Variants in FRYL observed in about 807,000 individuals in gnomAD.
The protein encoded by FRYL is protein furry homolog-like.
FRYL carries 150 observed loss-of-function variants against 351.2 expected under a neutral mutation model. The ratio of observed to expected loss-of-function variants is 0.43; its 90% CI spans 0.37 to 0.49. The LOEUF (loss-of-function observed/expected upper bound fraction) is 0.49. FRYL is among the 20% of genes least tolerant of loss of function. The pLI is 0.00. For synonymous variants in FRYL, 1,153 were observed against 1,257.1 expected, an observed-to-expected ratio of 0.92 and a Z score of 1.75; for missense variants, 3,036 against 3,619.3, an observed-to-expected ratio of 0.84 and a Z score of 4.13.
chr4:48,584,180 G>T (rs1741580871), intron 19 of FRYL, among the ~76,000 whole-genome samples: 1 of 152,180 alleles, frequency 6.6e-6, no homozygotes, highest in Admixed American at 6.5e-5. Context: ...GGTCTGAAGA[G>T]AATTATGCTA....
chr4:48,775,473 G>A (rs1277151541), intron 1 of FRYL, among the ~76,000 whole-genome samples: 3 of 152,126 alleles, frequency 2.0e-5, no homozygotes, highest in African/African-American at 7.2e-5. Flanking sequence ...GCTTACAGCT[G>A]GGTTTTCTAT....
chr4:48,645,152 A>ATCTATCTATC (rs1316672025), intron 3 of FRYL, among the ~76,000 whole-genome samples: 2 of 114,796 alleles, frequency 1.7e-5, no homozygotes, highest in South Asian at 5.6e-4. Context: ...ATATATATAT[A>ATCTATCTATC]TATCAGACTG....
At chr4:48,757,203 T>C (rs1773883981) in intron 1 of FRYL, among the ~76,000 whole-genome samples, 1 of 152,166 alleles carries the variant, frequency 6.6e-6, no homozygotes, top group Non-Finnish European at 1.5e-5. Flanking sequence ...AAGGATGCCC[T>C]CTCTCACCAC....
At chr4:48,576,304 CTTT>C (rs780306789) in intron 23 of FRYL, 82 bp from the exon 24 acceptor site, 2,535 of 762,508 alleles carry the variant, frequency 3.3e-3, no homozygotes, top group Middle Eastern at 5.6e-3. Context: ...TGCTAAATTT[CTTT>C]TTTTTTTTTT....
At chr4:48,725,363 G>A (rs1769965343) in intron 1 of FRYL, among the ~76,000 whole-genome samples, 7 of 152,194 alleles carry the variant, frequency 4.6e-5, no homozygotes, top group Admixed American at 4.6e-4. Flanking sequence ...CTGAGAGAAA[G>A]AGAGAATACA....
At chr4:48,545,606 A>C (rs1255964548) in intron 42 of FRYL, among the ~76,000 whole-genome samples, 1 of 151,608 alleles carries the variant, frequency 6.6e-6, no homozygotes, top group Non-Finnish European at 1.5e-5. Context: ...GTCTAGAACA[A>C]CTCTCTTTTC....
At chr4:48,603,959 G>A (rs1432487209) in intron 11 of FRYL, among the ~76,000 whole-genome samples, 6 of 152,090 alleles carry the variant, frequency 3.9e-5, no homozygotes, top group African/African-American at 7.2e-5. Flanking sequence ...CAACTCTTTC[G>A]ATGTGGTGGT....
chr4:48,710,824 T>C (rs1287369129), intron 1 of FRYL, 126 bp from the exon 2 acceptor site: 7 of 376,138 alleles, frequency 1.9e-5, no homozygotes, highest in Non-Finnish European at 2.8e-5. Context: ...TGAAACATCA[T>C]CCAGTAATTC....
At chr4:48,558,297 A>C (rs1183821984) in intron 33 of FRYL, among the ~76,000 whole-genome samples, 4 of 152,254 alleles carry the variant, frequency 2.6e-5, no homozygotes, top group Non-Finnish European at 5.9e-5. Context: ...GCTTGATGAC[A>C]TTATGTTACC....
chr4:48,668,707 T>C (rs1762169933), intron 3 of FRYL, among the ~76,000 whole-genome samples: 1 of 152,228 alleles, frequency 6.6e-6, no homozygotes, highest in African/African-American at 2.4e-5. Flanking sequence ...TCATGTTAAA[T>C]AGAATAATAA....
At chr4:48,529,218 C>T (rs1726975534) in intron 50 of FRYL, among the ~76,000 whole-genome samples, 1 of 152,198 alleles carries the variant, frequency 6.6e-6, no homozygotes, top group Non-Finnish European at 1.5e-5. Context: ...TGTTCTACCA[C>T]CACCACCTCT....
In FRYL at chr4:48,601,565, C is replaced by A. The variant is rs1338878445; in HGVS notation, c.1035+455G>T. On this transcript the variant is annotated intron_variant, in intron 13 of 63. Coordinates refer to ENST00000358350, the MANE Select transcript of FRYL (RefSeq NM_015030.2). ...CAGGAGCTTTTACATCTGTGCAGAT[C>A]CAGTACCAACTTTTAGATATGGCCG... is the stretch of plus-strand genomic sequence containing the variant. Among the ~76,000 whole-genome samples the A allele has an allele frequency of 2.6e-5, 4 of 152,092 alleles. No homozygotes were observed. The East Asian group carries it at 7.7e-4, about 29-fold the overall frequency.
At chr4:48,769,686 G>A (rs1775315931) in intron 1 of FRYL, among the ~76,000 whole-genome samples, 1 of 152,174 alleles carries the variant, frequency 6.6e-6, no homozygotes, top group Non-Finnish European at 1.5e-5. Flanking sequence ...ATGTTCTTCA[G>A]CAGGTGAAGA....
At chr4:48,603,801 C>T (rs543969813) in intron 11 of FRYL, among the ~76,000 whole-genome samples, 1 of 152,326 alleles carries the variant, frequency 6.6e-6, no homozygotes, top group East Asian at 1.9e-4. Flanking sequence ...GGGGACCCAG[C>T]CTTTGGAGCT....
At position 48,497,670 on chromosome 4, in the gene FRYL, C is replaced by T. The variant is rs1718723482; in HGVS notation, c.*1752G>A. ...TAAAGTGTGATGTATCTCTGGACAC[C>T]ATCCCTCTCTGCCTGCCCCACACCC... is the stretch of plus-strand genomic sequence containing the variant. On this transcript the variant is annotated 3_prime_UTR_variant, in exon 64 of 64. Coordinates refer to ENST00000358350, the MANE Select transcript of FRYL (RefSeq NM_015030.2). 2 of 152,650 alleles carry T rather than the reference C, an allele frequency of 1.3e-5. No individual in the cohort carries two copies. Among genetic ancestry groups the T allele is most frequent in the East Asian group, 3.9e-4 (2 of 5,182 alleles). 9.5% of individuals were successfully genotyped at this position (152,650 alleles called of 1,614,324 possible).
chr4:48,662,045 GAAAC>G (rs768327424), intron 3 of FRYL, among the ~76,000 whole-genome samples: 6 of 152,094 alleles, frequency 3.9e-5, no homozygotes, highest in Non-Finnish European at 5.9e-5. Flanking sequence ...TAAACATAAT[GAAAC>G]AAACAAACAA....
chr4:48,503,680 TC>T (rs35573611), intron 60 of FRYL, among the ~76,000 whole-genome samples: 1 of 152,188 alleles, frequency 6.6e-6, no homozygotes, highest in Non-Finnish European at 1.5e-5. Context: ...CTAAATAGTT[TC>T]CTGTGAAGGA....
intron 44 of FRYL, among the ~76,000 whole-genome samples, chr4:48,542,755 A>C (rs983096942): frequency 1.3e-5 from 2 of 151,956 alleles, no homozygotes; most frequent in Non-Finnish European, 2.9e-5. Context: ...AAATCTGACC[A>C]CTTTCCTCTA....
chr4:48,742,820 T>G (rs1183688248), intron 1 of FRYL, among the ~76,000 whole-genome samples: 1 of 149,250 alleles, frequency 6.7e-6, no homozygotes, highest in African/African-American at 2.5e-5. Flanking sequence ...TTTTGTTGTT[T>G]TTTTGTTTTT....
Sources: gnomAD v4.1 joint callset for allele counts (sites outside exome capture counted in the v4.1 genomes callset) on GRCh38, gnomAD v4.1.1 for gene constraint, MANE v1.5 for transcripts, NCBI Gene and HGNC (gene_info 2026-07-23, HGNC 2026-07-21) for gene names.